Variants in ADGRB3 observed in about 807,000 individuals in gnomAD.
ADGRB3 encodes brain-specific angiogenesis inhibitor 3.
Under a neutral mutation model 193.4 loss-of-function variants are expected in ADGRB3, and 37 were observed. That is an observed-to-expected ratio of 0.19 (90% CI 0.15 to 0.25). ADGRB3 has a LOEUF of 0.25. ADGRB3 is among the 10% of genes least tolerant of loss of function. ADGRB3 has a pLI of 1.00. For missense variants in ADGRB3, 1,637 were observed against 1,852.9 expected, an observed-to-expected ratio of 0.88 and a Z score of 2.14; for synonymous variants, 690 against 644.2, an observed-to-expected ratio of 1.07 and a Z score of -1.08.
rs995680200 is a variant in ADGRB3 at position 68,956,887 on chromosome 6, G to T, written c.1525+78G>T. The T allele has an allele frequency of 9.3e-6, 14 of 1,503,926 alleles. No individual in the cohort carries two copies. The African/African-American group carries it at 1.9e-4, about 21-fold the overall frequency. The allele number at this position is 1,503,926 out of a possible 1,614,324, so 93.2% of individuals were successfully genotyped here. A position where few individuals can be genotyped will look rare whatever the true frequency, so the allele number is the denominator to read the frequency against. On this transcript the variant is annotated intron_variant, in intron 8 of 31. Coordinates refer to ENST00000370598, the MANE Select transcript of ADGRB3 (RefSeq NM_001704.3). ...AAAAGATTTAAAAATATTGTCATTG[G>T]TTAAGGGTCATATTCCTCAACTAAA...
chr6:69,023,055 A>G (rs937521549), intron 13 of ADGRB3, among the ~76,000 whole-genome samples: 1 of 152,092 alleles, frequency 6.6e-6, no homozygotes, highest in African/African-American at 2.4e-5. Flanking sequence ...TAGAACCTAG[A>G]ACTAGAATTG....
chr6:69,220,523 A>G (rs958607588), intron 17 of ADGRB3, among the ~76,000 whole-genome samples: 2 of 152,076 alleles, frequency 1.3e-5, no homozygotes, highest in Non-Finnish European at 2.9e-5. Context: ...TTTCCTAACA[A>G]AGGAGAGAGC....
At chr6:69,042,632 T>A (rs1416114531) in intron 13 of ADGRB3, among the ~76,000 whole-genome samples, 1 of 152,256 alleles carries the variant, frequency 6.6e-6, no homozygotes. Context: ...TCTAACACAC[T>A]GAGGCAATGC....
At chr6:68,723,722 A>G (rs899233065) in intron 3 of ADGRB3, among the ~76,000 whole-genome samples, 15 of 151,836 alleles carry the variant, frequency 9.9e-5, no homozygotes, top group East Asian at 9.7e-4. Context: ...ATTTTTTTCT[A>G]AAGACATTCT....
intron 4 of ADGRB3, among the ~76,000 whole-genome samples, chr6:68,933,300 A>G (rs191769193): frequency 1.4e-3 from 220 of 152,318 alleles, no homozygotes; most frequent in Non-Finnish European, 2.1e-3. Context: ...AATTTTAAAA[A>G]ATAAAATTAG....
At chr6:69,371,393 A>G (rs1769704184) in intron 29 of ADGRB3, among the ~76,000 whole-genome samples, 1 of 152,102 alleles carries the variant, frequency 6.6e-6, no homozygotes, top group Non-Finnish European at 1.5e-5. Flanking sequence ...TATCTTGGGT[A>G]TGATTTCCTA....
intron 20 of ADGRB3, among the ~76,000 whole-genome samples, chr6:69,244,020 T>C (rs945327703): frequency 1.3e-5 from 2 of 152,044 alleles, no homozygotes; most frequent in African/African-American, 2.4e-5. Context: ...AAAGTTCTCA[T>C]TGATAGATAA....
chr6:68,752,461 A>AGAT (rs1766217891), intron 3 of ADGRB3, among the ~76,000 whole-genome samples: 2 of 151,700 alleles, frequency 1.3e-5, no homozygotes, highest in African/African-American at 4.8e-5. Flanking sequence ...TTTTTAGTAG[A>AGAT]GATGTTTCAC....
chr6:69,330,444 C>T, intron 22 of ADGRB3, 62 bp from the exon 23 acceptor site: 1 of 1,285,964 alleles, frequency 7.8e-7, no homozygotes, highest in East Asian at 2.4e-5. Flanking sequence ...GTTTGTATCA[C>T]ACGTTAGTGG....
chr6:68,728,759 A>G (rs943424469), intron 3 of ADGRB3, among the ~76,000 whole-genome samples: 3 of 151,638 alleles, frequency 2.0e-5, no homozygotes, highest in African/African-American at 4.8e-5. Context: ...AAAGTCAAAC[A>G]ATCAGCAAGG....
intron 20 of ADGRB3, among the ~76,000 whole-genome samples, chr6:69,298,144 G>A (rs1403649139): frequency 6.6e-6 from 1 of 151,888 alleles, no homozygotes; most frequent in Non-Finnish European, 1.5e-5. Flanking sequence ...AGGGGAGAAG[G>A]ACTATTGCAA....
In ADGRB3 at chr6:68,723,859, A is replaced by G. The variant is rs143665173; in HGVS notation, c.757+84427A>G. 2.8e-3 allele frequency among the ~76,000 whole-genome samples: 429 copies of G among 151,780 alleles called. 5 individuals carry two copies. Among genetic ancestry groups the G allele is most frequent in the African/African-American group, 7.3e-3 (303 of 41,476 alleles). On this transcript the variant is annotated intron_variant, in intron 3 of 31. Coordinates refer to ENST00000370598, the MANE Select transcript of ADGRB3 (RefSeq NM_001704.3). The stretch of plus-strand genomic sequence containing the variant: ...TTTTGCCCCCAGCGGACATTTGTCA[A>G]TGCTTGATAACATATTTGAGTGTCA...
intron 20 of ADGRB3, among the ~76,000 whole-genome samples, chr6:69,322,788 C>T (rs941478394): frequency 2.0e-5 from 3 of 151,912 alleles, no homozygotes; most frequent in African/African-American, 7.2e-5. Flanking sequence ...TGTACACATT[C>T]CTTAAGTTGA....
chr6:68,752,275 CTTT>C (rs66760335), intron 3 of ADGRB3, among the ~76,000 whole-genome samples: 7 of 129,272 alleles, frequency 5.4e-5, no homozygotes, highest in African/African-American at 2.8e-5. Context: ...GCAGAATATT[CTTT>C]TTTTTTTTTT....
chr6:68,676,797 CAT>C (rs1255866988), intron 3 of ADGRB3, among the ~76,000 whole-genome samples: 3 of 152,082 alleles, frequency 2.0e-5, no homozygotes, highest in African/African-American at 7.2e-5. Flanking sequence ...TAACAGGACT[CAT>C]GTGGCACCTC....
chr6:68,946,305 G>A (rs962173692), intron 6 of ADGRB3, among the ~76,000 whole-genome samples: 1 of 152,070 alleles, frequency 6.6e-6, no homozygotes, highest in Admixed American at 6.6e-5. Flanking sequence ...TCATCTTATA[G>A]CTGAACTCAG....
At chr6:68,880,375 C>A (rs1464683469) in intron 3 of ADGRB3, among the ~76,000 whole-genome samples, 1 of 152,188 alleles carries the variant, frequency 6.6e-6, no homozygotes, top group African/African-American at 2.4e-5. Flanking sequence ...GCTACTGTCA[C>A]TTTAATAAAG....
At chr6:69,026,908 C>A (rs1221560116) in intron 13 of ADGRB3, among the ~76,000 whole-genome samples, 1 of 152,146 alleles carries the variant, frequency 6.6e-6, no homozygotes, top group Non-Finnish European at 1.5e-5. Context: ...AGTTGCTCTG[C>A]ATGAGTCAGT....
At chr6:69,210,170 A>ATG (rs70987458) in intron 17 of ADGRB3, among the ~76,000 whole-genome samples, 1 of 131,774 alleles carries the variant, frequency 7.6e-6, no homozygotes, top group Admixed American at 7.6e-5. Context: ...ATATATATAT[A>ATG]AAGGGGAGTT....
Sources: allele counts gnomAD v4.1 joint callset (sites outside exome capture counted in the v4.1 genomes callset), GRCh38; gene constraint gnomAD v4.1.1; transcripts MANE v1.5; gene names NCBI Gene and HGNC (gene_info 2026-07-23, HGNC 2026-07-21).